Variants in PPOX observed in about 807,000 individuals in gnomAD.
PPOX encodes the protein protoporphyrinogen oxidase, also known as variegate porphyria.
In PPOX, 23 loss-of-function variants were observed where a neutral mutation model predicts 54.1. That is an observed-to-expected ratio of 0.43 (90% CI 0.31 to 0.60). PPOX has a LOEUF of 0.60. Ranked by LOEUF, PPOX falls within the 20% of genes least tolerant of loss-of-function variation. The pLI, the probability that PPOX is intolerant of heterozygous loss-of-function variation, is 0.13. For missense variants in PPOX, 512 were observed against 601.1 expected (o/e 0.85, Z 1.55); for synonymous variants, 224 against 236.1 (o/e 0.95, Z 0.47).
intron 7 of PPOX, 154 bp downstream of exon 7, chr1:161,169,337 A>C: frequency 1.1e-6 from 1 of 905,110 alleles, no homozygotes; most frequent in Non-Finnish European, 1.7e-6. Context: ...CCTAGGCCCT[A>C]TTTGTGAACC....
At chr1:161,172,249 C>A (rs1361307772), downstream of PPOX, 3 of 1,613,952 alleles carry the variant, frequency 1.9e-6, no homozygotes, top group African/African-American at 2.7e-5. Flanking sequence ...TCCTCATTGC[C>A]CTTATCTCCT....
chr1:161,170,562 T>G, intron 10 of PPOX, 43 bp downstream of exon 10: 1 of 1,614,084 alleles, frequency 6.2e-7, no homozygotes, highest in South Asian at 1.1e-5. Flanking sequence ...TCCAGAGGGC[T>G]CCTCTGTGCT....
chr1:161,177,233 C>A, downstream of PPOX: 1 of 671,512 alleles, frequency 1.5e-6, no homozygotes, highest in Non-Finnish European at 2.5e-6. Flanking sequence ...GCACGCCCAT[C>A]CTATCCCAGT....
chr1:161,168,879 G>C, intron 6 of PPOX, 114 bp from the exon 7 acceptor site: 1 of 1,230,330 alleles, frequency 8.1e-7, no homozygotes, highest in Non-Finnish European at 1.2e-6. Context: ...GGCCAGGCTG[G>C]TCTCAAACTC....
downstream of PPOX, chr1:161,171,711 A>G (rs866970689): frequency 2.2e-5 from 32 of 1,475,978 alleles, no homozygotes; most frequent in Middle Eastern, 3.6e-4. Context: ...ACGGCACCAG[A>G]GTTCAGTTCC....
chr1:161,173,468 AG>A, downstream of PPOX: 1 of 1,293,772 alleles, frequency 7.7e-7, no homozygotes, highest in South Asian at 1.4e-5. Context: ...TATCCTAAAA[AG>A]ACTAAGGGAA....
At chr1:161,170,570 G>A in intron 10 of PPOX, 50 bp from the exon 11 acceptor site, 1 of 1,614,126 alleles carries the variant, frequency 6.2e-7, no homozygotes. Flanking sequence ...GCTCCTCTGT[G>A]CTCCATTGTA....
At position 161,170,448 on chromosome 1, in the gene PPOX, G is replaced by A; in HGVS notation, c.1027G>A (p.Val343Ile). ...HLVPSSEDPGVLGIVYDSVAF... is the reference protein window; with the variant it reads ...HLVPSSEDPGILGIVYDSVAF... ...GGTGCCATCTTCAGAAGATCCAGGA[G>A]TCCTGGGAATCGTGTATGACTCAGT... is the stretch of plus-strand genomic sequence containing the variant. Residue 343 changes from valine (V) to isoleucine (I), a missense_variant, in exon 10 of 13, where the codon GTC becomes ATC. Coordinates refer to ENST00000367999, the MANE Select transcript of PPOX (RefSeq NM_001122764.3). The A allele has an allele frequency of 6.2e-7, 1 of 1,614,050 alleles. No homozygotes were observed. The highest frequency in any genetic ancestry group is 8.5e-7 in the Non-Finnish European group (1 of 1,180,006).
chr1:161,169,879 T>G (rs746193939), intron 8 of PPOX, 27 bp from the exon 9 acceptor site: 1 of 1,614,220 alleles, frequency 6.2e-7, no homozygotes, highest in East Asian at 2.2e-5. Flanking sequence ...GAATGCCTTC[T>G]GAGTCAGGCC....
chr1:161,169,804 C>T (rs569987745), intron 8 of PPOX, 84 bp downstream of exon 8: 110 of 1,612,642 alleles, frequency 6.8e-5, no homozygotes, highest in Non-Finnish European at 8.9e-5. Flanking sequence ...CAGGACCACA[C>T]CATGCCCCTG....
At chr1:161,173,818 G>A (rs1662410602), downstream of PPOX, 1 of 1,609,916 alleles carries the variant, frequency 6.2e-7, no homozygotes, top group African/African-American at 1.3e-5. Flanking sequence ...CCACAGGATA[G>A]TAGGCTTCCC....
downstream of PPOX, chr1:161,171,459 A>C: frequency 1.7e-6 from 1 of 595,918 alleles, no homozygotes; most frequent in Non-Finnish European, 2.9e-6. Flanking sequence ...AAATAGAATA[A>C]ATATTCACAG....
chr1:161,169,501 G>T, intron 7 of PPOX, 159 bp from the exon 8 acceptor site: 2 of 802,266 alleles, frequency 2.5e-6, no homozygotes, highest in African/African-American at 1.7e-5. Context: ...ATGATTTTTT[G>T]TGAAGTCTAC....
At chr1:161,173,502 C>T, downstream of PPOX, 2 of 1,535,514 alleles carry the variant, frequency 1.3e-6, no homozygotes, top group Non-Finnish European at 1.8e-6. Context: ...AGTGCAGGAC[C>T]AGGGAGCTAA....
At chr1:161,165,885 A>G (rs1658741493), upstream of PPOX, among the ~76,000 whole-genome samples, 1 of 152,068 alleles carries the variant, frequency 6.6e-6, no homozygotes, top group African/African-American at 2.4e-5. Context: ...GTCCCCCAGC[A>G]GTGAAGGTTA....
At position 161,168,454 on chromosome 1, in the gene PPOX, G is replaced by C. The variant is rs762605289; in HGVS notation, c.494G>C (p.Ser165Thr). 8.1e-6 allele frequency: 13 copies of C among 1,614,182 alleles called. No individual in the cohort carries two copies. In the East Asian group the frequency reaches 2.9e-4, roughly 36 times the overall value. The change falls in exon 6 of 13, where the codon AGT (serine) becomes ACT (threonine). Residue 165 changes from serine to threonine, a missense_variant. By Grantham distance (58) the Ser-to-Thr change is moderately conservative (BLOSUM62 1). Coordinates refer to ENST00000367999, the MANE Select transcript of PPOX (RefSeq NM_001122764.3). ...GPEVASLAMD[S>T]LCRGVFAGNS... ...AAGGTGGCGTCTCTAGCCATGGACAGTCTCTGCCGTGGAGTGTTTGCAGGC... is the reference window on the plus strand; with the variant it reads ...AAGGTGGCGTCTCTAGCCATGGACACTCTCTGCCGTGGAGTGTTTGCAGGC...
chr1:161,176,693 G>GAGGAGC (rs1309412914), intron 4 of PPOX: 4 of 623,552 alleles, frequency 6.4e-6, no homozygotes, highest in Non-Finnish European at 8.4e-6. Flanking sequence ...AAAGGAAGAG[G>GAGGAGC]AGGAGCAGGA....
downstream of PPOX, chr1:161,175,823 G>A: frequency 1.2e-6 from 2 of 1,614,096 alleles, no homozygotes; most frequent in Non-Finnish European, 1.7e-6. Context: ...AGAGGAGATC[G>A]TTCTGGACAG....
At chr1:161,170,869 T>C (rs765420949) in intron 11 of PPOX, 38 bp from the exon 12 acceptor site, 1 of 1,613,902 alleles carries the variant, frequency 6.2e-7, no homozygotes, top group Non-Finnish European at 8.5e-7. Context: ...AGGACATCAA[T>C]AATAAACTTT....
Sources: allele counts gnomAD v4.1 joint callset (sites outside exome capture counted in the v4.1 genomes callset), GRCh38; gene constraint gnomAD v4.1.1; transcripts MANE v1.5; gene names NCBI Gene and HGNC (gene_info 2026-07-23, HGNC 2026-07-21).